The following PTPRD variants were observed in gnomAD, a reference collection of about 807,000 sequenced individuals.
The protein encoded by PTPRD is protein tyrosine phosphatase receptor type D.
In PTPRD, 34 loss-of-function variants were observed where a neutral mutation model predicts 214.5. The observed-to-expected ratio is 0.16, with a 90% confidence interval of 0.12 to 0.21. The LOEUF is 0.21. PTPRD is among the 10% of genes least tolerant of loss of function. The pLI is 1.00. For synonymous variants in PTPRD, 1,128 were observed against 845.7 expected (o/e 1.33, Z -5.79); for missense variants, 2,545 against 2,398.7 (o/e 1.06, Z -1.27).
chr9:10,268,359 AT>A (rs1224456359), intron 3 of PTPRD, among the ~76,000 whole-genome samples: 1 of 151,244 alleles, frequency 6.6e-6, no homozygotes, highest in Non-Finnish European at 1.5e-5. Flanking sequence ...GAGGGGCAGC[AT>A]TTTTTATTTG....
At chr9:9,820,933 T>C (rs921374974) in intron 5 of PTPRD, among the ~76,000 whole-genome samples, 1 of 152,190 alleles carries the variant, frequency 6.6e-6, no homozygotes, top group African/African-American at 2.4e-5. Context: ...TCTGTCCTTG[T>C]TCTTTTTGTT....
intron 12 of PTPRD, among the ~76,000 whole-genome samples, chr9:8,697,675 G>GCTTC (rs2097952784): frequency 6.6e-6 from 1 of 151,520 alleles, no homozygotes; most frequent in African/African-American, 2.4e-5. Flanking sequence ...CACCTGCCTT[G>GCTTC]GCCTCTCAAA....
At chr9:9,150,522 C>T (rs112484790) in intron 10 of PTPRD, among the ~76,000 whole-genome samples, 8,565 of 149,244 alleles carry the variant, frequency 0.057, 428 homozygotes, top group East Asian at 0.21. Flanking sequence ...TGGAGTCTTG[C>T]TATGTCACCC....
intron 3 of PTPRD, among the ~76,000 whole-genome samples, chr9:10,317,166 T>C (rs2096457063): frequency 6.6e-6 from 1 of 151,928 alleles, no homozygotes; most frequent in African/African-American, 2.4e-5. Context: ...ACCTAGCCTA[T>C]ATAAAGCATT....
At chr9:9,192,222 G>C (rs575227005) in intron 9 of PTPRD, among the ~76,000 whole-genome samples, 113 of 150,736 alleles carry the variant, frequency 7.5e-4, no homozygotes, top group Non-Finnish European at 1.4e-3. Flanking sequence ...ATATAGCAAA[G>C]ATAAAAAAAA....
At chr9:9,917,302 GAAAAAAA>G (rs140708788) in intron 5 of PTPRD, among the ~76,000 whole-genome samples, 1 of 21,196 alleles carries the variant, frequency 4.7e-5, no homozygotes, top group Non-Finnish European at 1.0e-4. Context: ...TAGCTAGACT[GAAAAAAA>G]AAAAAAAAAA....
At chr9:10,572,868 GTTTC>G (rs1244389391) in intron 2 of PTPRD, among the ~76,000 whole-genome samples, 1 of 151,876 alleles carries the variant, frequency 6.6e-6, no homozygotes, top group East Asian at 1.9e-4. Context: ...AATTTGCCCC[GTTTC>G]TTTTTTTTAT....
At chr9:10,569,103 G>T (rs893081920) in intron 2 of PTPRD, among the ~76,000 whole-genome samples, 4 of 152,020 alleles carry the variant, frequency 2.6e-5, no homozygotes, top group Non-Finnish European at 5.9e-5. Context: ...ATCAAAAAAT[G>T]GGCGAAGGAT....
chr9:8,462,953 A>C (rs992617167), intron 32 of PTPRD, among the ~76,000 whole-genome samples: 2 of 151,922 alleles, frequency 1.3e-5, no homozygotes, highest in Non-Finnish European at 2.9e-5. Flanking sequence ...CCTTGTACTT[A>C]GTGGGTTCTC....
intron 7 of PTPRD, among the ~76,000 whole-genome samples, chr9:9,657,080 C>A (rs1051502454): frequency 6.6e-6 from 1 of 151,996 alleles, no homozygotes; most frequent in African/African-American, 2.4e-5. Flanking sequence ...ATCCCAAACA[C>A]CTAGCAGAGA....
chr9:10,243,372 T>C (rs759629726), intron 3 of PTPRD, among the ~76,000 whole-genome samples: 24 of 152,028 alleles, frequency 1.6e-4, no homozygotes, highest in African/African-American at 5.6e-4. Context: ...TCACTTTGTC[T>C]ACCTTGTGTA....
intron 3 of PTPRD, among the ~76,000 whole-genome samples, chr9:10,296,476 C>T (rs1037575271): frequency 6.6e-6 from 1 of 152,076 alleles, no homozygotes; most frequent in African/African-American, 2.4e-5. Context: ...TTTTCTAACA[C>T]ATGGTTAAAT....
chr9:9,812,943 A>T (rs1054332288), intron 5 of PTPRD, among the ~76,000 whole-genome samples: 35 of 152,122 alleles, frequency 2.3e-4, no homozygotes, highest in African/African-American at 7.5e-4. Context: ...GATACTTGTT[A>T]TCATATTTGG....
intron 2 of PTPRD, among the ~76,000 whole-genome samples, chr9:10,353,869 C>T (rs1190471981): frequency 6.6e-6 from 1 of 151,590 alleles, no homozygotes; most frequent in Non-Finnish European, 1.5e-5. Context: ...CAAAACACAA[C>T]CAATAACTAT....
chr9:8,643,272 G>C (rs1012487435), intron 12 of PTPRD, among the ~76,000 whole-genome samples: 1 of 151,954 alleles, frequency 6.6e-6, no homozygotes, highest in Non-Finnish European at 1.5e-5. Context: ...TGTTTTCAAA[G>C]AGTCTTGCAA....
At chr9:8,419,796 T>C (rs185808035) in intron 35 of PTPRD, among the ~76,000 whole-genome samples, 153 of 152,190 alleles carry the variant, frequency 1.0e-3, no homozygotes, top group African/African-American at 3.5e-3. Context: ...ACAAATGCTG[T>C]TCCCTAATCT....
intron 3 of PTPRD, among the ~76,000 whole-genome samples, chr9:10,314,804 AG>A (rs1404738745): frequency 6.6e-6 from 1 of 151,982 alleles, no homozygotes; most frequent in African/African-American, 2.4e-5. Context: ...TGGTTGAGGC[AG>A]GATTAGAAGT....
intron 11 of PTPRD, among the ~76,000 whole-genome samples, chr9:8,757,634 A>G (rs942577092): frequency 2.1e-5 from 3 of 145,586 alleles, no homozygotes; most frequent in Non-Finnish European, 1.5e-5. Flanking sequence ...ATATATATAT[A>G]TATATATACA....
At chr9:9,529,857 T>C (rs928787418) in intron 8 of PTPRD, among the ~76,000 whole-genome samples, 1 of 151,564 alleles carries the variant, frequency 6.6e-6, no homozygotes, top group African/African-American at 2.4e-5. Flanking sequence ...TATATATATA[T>C]TTAAATATAT....
Sources: gnomAD v4.1 joint callset for allele counts (sites outside exome capture counted in the v4.1 genomes callset) on GRCh38, gnomAD v4.1.1 for gene constraint, MANE v1.5 for transcripts, NCBI Gene and HGNC (gene_info 2026-07-23, HGNC 2026-07-21) for gene names.